The following MSRA variants were observed in gnomAD, a reference collection of about 807,000 sequenced individuals.
MSRA encodes the protein methionine sulfoxide reductase A, also known as mitochondrial peptide methionine sulfoxide reductase.
In MSRA, 54 loss-of-function variants were observed where a neutral mutation model predicts 31.3. The ratio of observed to expected loss-of-function variants is 1.73; its 90% confidence interval spans 1.39 to 2.17. MSRA has a LOEUF of 2.17. Ranked by LOEUF, MSRA falls within the 30% of genes most tolerant of loss-of-function variation. MSRA has a pLI of 0.00. For synonymous variants in MSRA, 169 were observed against 116.5 expected (o/e 1.45, Z -2.90); for missense variants, 507 against 300.9 (o/e 1.69, Z -5.07).
At chr8:10,067,874 GTTTTTTTT>G (rs71203303) in intron 1 of MSRA, among the ~76,000 whole-genome samples, 4 of 49,424 alleles carry the variant, frequency 8.1e-5, no homozygotes, top group African/African-American at 1.1e-4. Context: ...TTCTTACTGA[GTTTTTTTT>G]TTTTTTTTTT....
chr8:10,300,789 A>AG (rs1317005478), intron 3 of MSRA, among the ~76,000 whole-genome samples: 1 of 152,140 alleles, frequency 6.6e-6, no homozygotes. Flanking sequence ...CCATGCTCTA[A>AG]GACTATAAAA....
chr8:10,381,442 T>G (rs1256213888), intron 5 of MSRA, among the ~76,000 whole-genome samples: 1 of 152,118 alleles, frequency 6.6e-6, no homozygotes, highest in Non-Finnish European at 1.5e-5. Context: ...CCAGAACATT[T>G]CAGGGGAAGA....
intron 2 of MSRA, among the ~76,000 whole-genome samples, chr8:10,231,233 C>A (rs1456445706): frequency 6.6e-6 from 1 of 151,784 alleles, no homozygotes; most frequent in African/African-American, 2.4e-5. Flanking sequence ...GGCGGGCGGA[C>A]AGGGAGGAGG....
chr8:10,254,538 T>G (rs374307936), intron 3 of MSRA, among the ~76,000 whole-genome samples: 1 of 152,212 alleles, frequency 6.6e-6, no homozygotes, highest in Non-Finnish European at 1.5e-5. Flanking sequence ...GACCACTTTG[T>G]AATCCACAAC....
chr8:10,369,170 G>A (rs1332511429), intron 5 of MSRA, among the ~76,000 whole-genome samples: 2 of 151,290 alleles, frequency 1.3e-5, no homozygotes. Flanking sequence ...TTTCAAAACT[G>A]TTCAATATTA....
At chr8:10,101,783 A>G (rs908604050) in intron 1 of MSRA, among the ~76,000 whole-genome samples, 1 of 152,132 alleles carries the variant, frequency 6.6e-6, no homozygotes, top group African/African-American at 2.4e-5. Context: ...TTCTCCATTC[A>G]TCTGCCAGTG....
At chr8:10,184,044 G>A (rs1004223924) in intron 1 of MSRA, among the ~76,000 whole-genome samples, 13 of 150,772 alleles carry the variant, frequency 8.6e-5, no homozygotes, top group African/African-American at 2.4e-4. Flanking sequence ...GGTGGTGTTC[G>A]TGATGTTGTT....
chr8:10,104,092 C>A (rs555130610), intron 1 of MSRA, among the ~76,000 whole-genome samples: 1 of 152,258 alleles, frequency 6.6e-6, no homozygotes, highest in South Asian at 2.1e-4. Flanking sequence ...TAGAGTGTCT[C>A]ATTTTAGCGT....
intron 1 of MSRA, among the ~76,000 whole-genome samples, chr8:10,104,198 C>T (rs1219753689): frequency 2.6e-5 from 4 of 152,168 alleles, no homozygotes; most frequent in African/African-American, 9.7e-5. Context: ...TAGAGGAGGA[C>T]TTAGAAATGG....
intron 1 of MSRA, among the ~76,000 whole-genome samples, chr8:10,106,209 C>T (rs937635104): frequency 3.9e-5 from 6 of 152,172 alleles, no homozygotes; most frequent in South Asian, 4.1e-4. Context: ...TTCTCACAGA[C>T]TTGACTTTCT....
At chr8:10,403,384 C>G (rs1807586672) in intron 5 of MSRA, among the ~76,000 whole-genome samples, 2 of 152,178 alleles carry the variant, frequency 1.3e-5, no homozygotes, top group African/African-American at 4.8e-5. Flanking sequence ...GCTCCACATG[C>G]TCATGCCATA....
At chr8:10,172,472 A>G (rs1023182157) in intron 1 of MSRA, among the ~76,000 whole-genome samples, 15 of 152,056 alleles carry the variant, frequency 9.9e-5, no homozygotes, top group Non-Finnish European at 1.9e-4. Flanking sequence ...GGCAAAGGGG[A>G]CGCAGGTTTC....
intron 1 of MSRA, among the ~76,000 whole-genome samples, chr8:10,057,401 T>C (rs1802437390): frequency 6.6e-6 from 1 of 152,238 alleles, no homozygotes; most frequent in African/African-American, 2.4e-5. Context: ...TATTGTATTG[T>C]TCAAAATAGG....
intron 1 of MSRA, among the ~76,000 whole-genome samples, chr8:10,154,724 A>G (rs993082936): frequency 3.9e-5 from 6 of 152,158 alleles, no homozygotes; most frequent in South Asian, 2.1e-4. Flanking sequence ...AAATGAAACA[A>G]TTCTACTTTT....
At chr8:10,206,104 G>A (rs904497830) in intron 1 of MSRA, among the ~76,000 whole-genome samples, 6 of 152,074 alleles carry the variant, frequency 3.9e-5, no homozygotes, top group Admixed American at 6.5e-5. Context: ...TAAAGAGTTT[G>A]GTTTCTGACT....
At chr8:10,199,942 C>T (rs1220622792) in intron 1 of MSRA, among the ~76,000 whole-genome samples, 6 of 152,276 alleles carry the variant, frequency 3.9e-5, no homozygotes, top group South Asian at 2.1e-4. Flanking sequence ...CCAAAGGACC[C>T]GCCTCTAGGT....
At chr8:10,169,917 C>CTTTTT (rs71538069) in intron 1 of MSRA, among the ~76,000 whole-genome samples, 18 of 131,906 alleles carry the variant, frequency 1.4e-4, no homozygotes, top group East Asian at 4.3e-4. Context: ...TTCTTTCTTT[C>CTTTTT]TTTTTTTTTT....
At chr8:10,244,210 G>C (rs1169812839) in intron 2 of MSRA, among the ~76,000 whole-genome samples, 3 of 152,172 alleles carry the variant, frequency 2.0e-5, no homozygotes, top group African/African-American at 7.2e-5. Context: ...GAGTGAGGCA[G>C]TAATCTTTTT....
In MSRA at chr8:10,194,036, T is replaced by C. The variant is rs1207509430; in HGVS notation, c.143-13797T>C. 2.0e-5 allele frequency among the ~76,000 whole-genome samples: 3 copies of C among 150,198 alleles called. No homozygotes were observed. The East Asian group carries it at 5.8e-4, about 29-fold the overall frequency. ...ATACTCTTCTGTTATGGAAGAAAAATTGCAAGAGAGAGAGTAACAGAAAGG... is the reference window on the plus strand; with the variant it reads ...ATACTCTTCTGTTATGGAAGAAAAACTGCAAGAGAGAGAGTAACAGAAAGG... On this transcript the variant is annotated intron_variant, in intron 1 of 5. Transcript: ENST00000317173.
Sources: allele counts gnomAD v4.1 joint callset (sites outside exome capture counted in the v4.1 genomes callset), GRCh38; gene constraint gnomAD v4.1.1; transcripts MANE v1.5; gene names NCBI Gene and HGNC (gene_info 2026-07-23, HGNC 2026-07-21).